Variants in SNX4 observed in about 807,000 individuals in gnomAD.
SNX4 encodes sorting nexin 4, also known as sorting nexin-4.
SNX4 carries 49 observed loss-of-function variants against 70.8 expected under a neutral mutation model. The observed-to-expected ratio is 0.69, with a 90% CI of 0.55 to 0.88. SNX4 has a LOEUF of 0.88. Among genes scored for constraint, SNX4 ranks in the 40% least tolerant of loss-of-function variants. The probability of loss-of-function intolerance (pLI) is 0.00; values close to 1 mark genes in which losing one functional copy is unlikely to be tolerated. For synonymous variants in SNX4, 206 were observed against 183.8 expected (o/e 1.12, Z -0.98); for missense variants, 528 against 544.8 (o/e 0.97, Z 0.31).
chr3:125,486,922 T>C (rs1934546013), intron 6 of SNX4, among the ~76,000 whole-genome samples: 6 of 152,122 alleles, frequency 3.9e-5, no homozygotes, highest in Admixed American at 3.9e-4. Context: ...CATATATATG[T>C]ATATGCAATC....
chr3:125,508,465 G>A (rs1307698606), intron 1 of SNX4, among the ~76,000 whole-genome samples: 1 of 75,298 alleles, frequency 1.3e-5, no homozygotes, highest in African/African-American at 3.8e-5. Flanking sequence ...CACTCAGGAG[G>A]CTGAGGCAGA....
chr3:125,518,264 G>T (rs2107577529), intron 1 of SNX4, among the ~76,000 whole-genome samples: 1 of 151,966 alleles, frequency 6.6e-6, no homozygotes, highest in African/African-American at 2.4e-5. Flanking sequence ...TTCAAGGCAA[G>T]TCTGGGCAAC....
intron 8 of SNX4, among the ~76,000 whole-genome samples, chr3:125,470,673 G>C (rs1024016312): frequency 1.3e-4 from 20 of 152,016 alleles, no homozygotes; most frequent in Admixed American, 2.6e-4. Context: ...TGAAAGTCAA[G>C]ATTTTGGACA....
At chr3:125,477,042 A>C (rs1934304343) in intron 7 of SNX4, among the ~76,000 whole-genome samples, 1 of 152,220 alleles carries the variant, frequency 6.6e-6, no homozygotes, top group African/African-American at 2.4e-5. Context: ...GGTATTTAAT[A>C]AATACCACTA....
Position 125,497,332 on chromosome 3 carries a change from T to C in SNX4, c.597+9A>G. 1.3e-6 allele frequency: 2 copies of C among 1,592,808 alleles called. No individual in the cohort carries two copies. ...AGGAACATGGCAAATTTCATATAAA[T>C]ATTCTTACCTTCAGCTGAAACCCAG... is the stretch of plus-strand genomic sequence containing the variant. On this transcript the variant is annotated intron_variant, in intron 5 of 13. Coordinates refer to ENST00000251775, the MANE Select transcript of SNX4 (RefSeq NM_003794.4).
chr3:125,470,341 C>A (rs1934133336), intron 8 of SNX4, among the ~76,000 whole-genome samples: 1 of 151,872 alleles, frequency 6.6e-6, no homozygotes, highest in South Asian at 2.1e-4. Flanking sequence ...TCTTTTTAAC[C>A]AGTTTCCTGG....
At chr3:125,449,341 C>G (rs1179647274) in intron 13 of SNX4, 1 of 151,608 alleles carries the variant, frequency 6.6e-6, no homozygotes, top group Non-Finnish European at 1.5e-5. Context: ...ATTGCTTGAA[C>G]ACGGGAGGCG....
At chr3:125,482,803 T>C (rs966006475) in intron 6 of SNX4, among the ~76,000 whole-genome samples, 2 of 152,012 alleles carry the variant, frequency 1.3e-5, no homozygotes, top group African/African-American at 4.8e-5. Context: ...ACTTAACCAC[T>C]CTTACTCCCC....
chr3:125,478,205 G>A (rs765811776), intron 7 of SNX4, among the ~76,000 whole-genome samples: 1 of 151,746 alleles, frequency 6.6e-6, no homozygotes, highest in East Asian at 1.9e-4. Flanking sequence ...TCAGCCTCCC[G>A]AGTAGTGGGG....
chr3:125,494,359 G>A (rs754915821), intron 5 of SNX4, among the ~76,000 whole-genome samples: 11 of 152,124 alleles, frequency 7.2e-5, no homozygotes, highest in Non-Finnish European at 1.2e-4. Flanking sequence ...TCTATCACTT[G>A]TAATTATGTG....
chr3:125,465,922 T>C (rs571709687), intron 9 of SNX4, among the ~76,000 whole-genome samples: 1 of 152,312 alleles, frequency 6.6e-6, no homozygotes, highest in East Asian at 1.9e-4. Context: ...AGATTAAAAG[T>C]GTGAGCCATT....
intron 5 of SNX4, among the ~76,000 whole-genome samples, chr3:125,494,276 T>C (rs1027014438): frequency 6.6e-6 from 1 of 152,110 alleles, no homozygotes; most frequent in South Asian, 2.1e-4. Flanking sequence ...AATTATATAA[T>C]TAATAAGCAA....
At chr3:125,515,820 G>A (rs558233893) in intron 1 of SNX4, among the ~76,000 whole-genome samples, 1 of 152,212 alleles carries the variant, frequency 6.6e-6, no homozygotes, top group Admixed American at 6.6e-5. Context: ...GGTGAAATGG[G>A]AGGATCACTT....
chr3:125,505,209 T>C (rs1424215668), intron 1 of SNX4, among the ~76,000 whole-genome samples: 3 of 152,178 alleles, frequency 2.0e-5, no homozygotes, highest in Non-Finnish European at 2.9e-5. Flanking sequence ...ACCTCAGGTG[T>C]TCCACCTGCC....
chr3:125,517,247 G>A lies in SNX4; in HGVS notation c.141+2785C>T, dbSNP rs572793535. 1.1e-4 allele frequency among the ~76,000 whole-genome samples: 17 copies of A among 152,250 alleles called. No homozygotes were observed. The South Asian group carries it at 3.5e-3, about 32-fold the overall frequency. On this transcript the variant is annotated intron_variant, in intron 1 of 13. Transcript: ENST00000251775. ...GAACCTAGATTCAAATCCCAGCCATGCTACTGACTAGCTTGTGACCATGGT... is the reference window on the plus strand; with the variant it reads ...GAACCTAGATTCAAATCCCAGCCATACTACTGACTAGCTTGTGACCATGGT...
chr3:125,491,401 T>C (rs1934656615), intron 5 of SNX4, among the ~76,000 whole-genome samples: 1 of 152,228 alleles, frequency 6.6e-6, no homozygotes, highest in African/African-American at 2.4e-5. Flanking sequence ...TTTGTATCTT[T>C]TCTTGAATCT....
chr3:125,453,488 T>TTA (rs879922662), intron 12 of SNX4, among the ~76,000 whole-genome samples: 21,192 of 147,736 alleles, frequency 0.14, 1,550 homozygotes, highest in South Asian at 0.19. Flanking sequence ...AATTCAACTT[T>TTA]CTTTTATTTT....
At chr3:125,502,140 T>G (rs984295766) in intron 2 of SNX4, among the ~76,000 whole-genome samples, 1 of 152,202 alleles carries the variant, frequency 6.6e-6, no homozygotes, top group Non-Finnish European at 1.5e-5. Context: ...CACTGTTTTC[T>G]AAAGTATTAT....
At chr3:125,505,398 G>T (rs1453717687) in intron 1 of SNX4, among the ~76,000 whole-genome samples, 1 of 152,210 alleles carries the variant, frequency 6.6e-6, no homozygotes, top group Non-Finnish European at 1.5e-5. Flanking sequence ...TGCACTGGCA[G>T]ACTCTGTCTG....
Sources: allele counts gnomAD v4.1 joint callset (sites outside exome capture counted in the v4.1 genomes callset), GRCh38; gene constraint gnomAD v4.1.1; transcripts MANE v1.5; gene names NCBI Gene and HGNC (gene_info 2026-07-23, HGNC 2026-07-21).